Variants in PLAAT1 observed in about 807,000 individuals in gnomAD.
PLAAT1 encodes the protein H-REV107 protein-related protein.
A neutral mutation model predicts 16.4 loss-of-function variants in PLAAT1; 13 were observed. The observed-to-expected ratio is 0.79, with a 90% CI of 0.52 to 1.26. PLAAT1 has a LOEUF of 1.26. PLAAT1 is among the 50% of genes most tolerant of loss of function. The pLI, the probability that PLAAT1 is intolerant of heterozygous loss-of-function variation, is 0.00. For synonymous variants in PLAAT1, 73 were observed against 78.4 expected (o/e 0.93, Z 0.36); for missense variants, 218 against 207.8 (o/e 1.05, Z -0.30).
rs1716819536 is a variant in PLAAT1 at position 193,267,450 on chromosome 3, AATC to A, written c.406-3151_406-3149del. On this transcript the variant is annotated intron_variant, in intron 3 of 3. Transcript: ENST00000264735. The stretch of plus-strand genomic sequence containing the variant: ...CATTTGCAGAATATCATGTTGCTGA[AATC>A]ATGTAGTATGTGGCTTTTTTCAGAT... 2.0e-5 allele frequency among the ~76,000 whole-genome samples: 3 copies of A among 152,108 alleles called. No homozygotes were observed. In the South Asian group the frequency reaches 6.2e-4, roughly 32 times the overall value.
At chr3:193,266,105 T>C (rs141324157) in intron 3 of PLAAT1, among the ~76,000 whole-genome samples, 1 of 152,310 alleles carries the variant, frequency 6.6e-6, no homozygotes, top group African/African-American at 2.4e-5. Flanking sequence ...TTAGATCTTA[T>C]GTTAAGTATT....
chr3:193,249,584 A>G (rs1716116974), intron 1 of PLAAT1, among the ~76,000 whole-genome samples: 1 of 152,098 alleles, frequency 6.6e-6, no homozygotes, highest in African/African-American at 2.4e-5. Context: ...GTCTTTGAAT[A>G]TATTTTCTGT....
At chr3:193,280,875 T>A (rs1375734386), downstream of PLAAT1, among the ~76,000 whole-genome samples, 1 of 152,180 alleles carries the variant, frequency 6.6e-6, no homozygotes, top group Non-Finnish European at 1.5e-5. Context: ...TCAGTGTTGA[T>A]CTACTCCTCC....
chr3:193,267,112 TCTC>T (rs1560105428), intron 3 of PLAAT1, among the ~76,000 whole-genome samples: 2 of 152,126 alleles, frequency 1.3e-5, no homozygotes, highest in Non-Finnish European at 2.9e-5. Flanking sequence ...TATAGAACTC[TCTC>T]CTCCTTCCCC....
At chr3:193,249,220 A>G (rs914176358) in intron 1 of PLAAT1, among the ~76,000 whole-genome samples, 1 of 152,050 alleles carries the variant, frequency 6.6e-6, no homozygotes, top group Non-Finnish European at 1.5e-5. Context: ...TTTCCCTTAC[A>G]GCTTTCCTAT....
chr3:193,262,615 A>G lies in PLAAT1; in HGVS notation c.140-355A>G, dbSNP rs975168704. 2.6e-5 allele frequency among the ~76,000 whole-genome samples: 4 copies of G among 152,132 alleles called. No homozygotes were observed. The East Asian group carries it at 7.7e-4, about 29-fold the overall frequency. ...CTGCCTTATAGAAAAAGTGGACAAT[A>G]ATCTTATCTGTATCTATGTTAGACA... On this transcript the variant is annotated intron_variant, in intron 2 of 3. Transcript: ENST00000264735.
At chr3:193,280,848 C>G (rs1270837264), downstream of PLAAT1, among the ~76,000 whole-genome samples, 1 of 152,174 alleles carries the variant, frequency 6.6e-6, no homozygotes, top group East Asian at 1.9e-4. Flanking sequence ...TTTTCTCTTA[C>G]ACTCTACCTC....
intron 1 of PLAAT1, among the ~76,000 whole-genome samples, chr3:193,247,389 G>A (rs145700510): frequency 7.9e-5 from 12 of 152,290 alleles, no homozygotes; most frequent in South Asian, 2.1e-4. Context: ...AGAAATTCAC[G>A]CCTTATACAG....
chr3:193,259,459 A>G (rs2108793927), intron 2 of PLAAT1, among the ~76,000 whole-genome samples: 1 of 152,338 alleles, frequency 6.6e-6, no homozygotes, highest in East Asian at 1.9e-4. Flanking sequence ...TGAATATTTC[A>G]TTCTGTACCT....
At chr3:193,280,220 T>G (rs547301660), downstream of PLAAT1, among the ~76,000 whole-genome samples, 3 of 151,964 alleles carry the variant, frequency 2.0e-5, no homozygotes, top group African/African-American at 7.2e-5. Context: ...ATGGCTAAAT[T>G]TTTTTTGTAT....
intron 2 of PLAAT1, among the ~76,000 whole-genome samples, chr3:193,261,943 T>A (rs1716598374): frequency 6.6e-6 from 1 of 152,116 alleles, no homozygotes; most frequent in South Asian, 2.1e-4. Context: ...ACATCTCACA[T>A]TCCGTGAGAA....
In PLAAT1 at chr3:193,256,801, G is replaced by A. The variant is rs1366595187; in HGVS notation, c.139+1012G>A. ...TTTAGAGATGTAGACAAGCATTTCT[G>A]TGTAAGGATATTCACTTCTGTGTCA... On this transcript the variant is annotated intron_variant, in intron 2 of 3. Transcript: ENST00000264735. Among the ~76,000 whole-genome samples, 5 of 152,176 alleles carry A rather than the reference G, an allele frequency of 3.3e-5. No individual in the cohort carries two copies. The East Asian group carries it at 5.8e-4, about 18-fold the overall frequency.
At chr3:193,261,189 G>A (rs905622512) in intron 2 of PLAAT1, among the ~76,000 whole-genome samples, 17 of 151,986 alleles carry the variant, frequency 1.1e-4, no homozygotes, top group Non-Finnish European at 2.1e-4. Context: ...CCAACATGAC[G>A]AAACCCTGTC....
downstream of PLAAT1, among the ~76,000 whole-genome samples, chr3:193,273,442 G>A (rs769444002): frequency 1.7e-4 from 26 of 152,300 alleles, no homozygotes; most frequent in Non-Finnish European, 2.2e-4. Flanking sequence ...ATTTATGCTG[G>A]TGGTTTGTGT....
chr3:193,279,324 T>C (rs772368102), downstream of PLAAT1: 4 of 1,430,580 alleles, frequency 2.8e-6, no homozygotes, highest in South Asian at 1.2e-5. Flanking sequence ...ACATGGTCCA[T>C]GTACATGAGT....
intron 3 of PLAAT1, among the ~76,000 whole-genome samples, chr3:193,266,471 T>C (rs1159045920): frequency 6.6e-6 from 1 of 152,190 alleles, no homozygotes; most frequent in Non-Finnish European, 1.5e-5. Flanking sequence ...TAATTTTTCT[T>C]CAACAAATAG....
rs1451756569 is a variant in PLAAT1, at chr3:193,262,978, C to T, written c.148C>T (p.Pro50Ser). Residue 50 changes from proline (P) to serine (S), a missense_variant, in exon 3 of 4, where the codon CCT becomes TCT. Transcript: ENST00000264735. ...VINIAPVDGI[P>S]ASFTSAKSVF... ...AGAATTCTACTTTATAGATGGCATT[C>T]CTGCGTCCTTTACAAGCGCCAAGTC... is the stretch of plus-strand genomic sequence containing the variant. 2 of 1,614,144 alleles carry T rather than the reference C, an allele frequency of 1.2e-6. No homozygotes were observed. Among genetic ancestry groups the T allele is most frequent in the Non-Finnish European group, 1.7e-6 (2 of 1,180,018 alleles).
Position 193,256,481 on chromosome 3 carries a change from C to A in PLAAT1, c.139+692C>A, listed in dbSNP as rs1300318163. The stretch of plus-strand genomic sequence containing the variant: ...CAGCAGACACTAAAACCTCAACAAA[C>A]AAATGGATAAAGAATTAGGAACAGT... On this transcript the variant is annotated intron_variant, in intron 2 of 3. Transcript: ENST00000264735. Among the ~76,000 whole-genome samples, 3 of 152,146 alleles carry A rather than the reference C, an allele frequency of 2.0e-5. No homozygotes were observed. In the East Asian group the frequency reaches 5.8e-4, roughly 29 times the overall value.
chr3:193,242,368 G>A (rs915231319), intron 1 of PLAAT1, among the ~76,000 whole-genome samples: 1 of 152,110 alleles, frequency 6.6e-6, no homozygotes, highest in Non-Finnish European at 1.5e-5. Context: ...AAGGCGGATC[G>A]GAGGAAGACA....
Sources: gnomAD v4.1 joint callset for allele counts (sites outside exome capture counted in the v4.1 genomes callset) on GRCh38, gnomAD v4.1.1 for gene constraint, MANE v1.5 for transcripts, NCBI Gene and HGNC (gene_info 2026-07-23, HGNC 2026-07-21) for gene names.